The following RAB4A variants were observed in gnomAD, a reference collection of about 807,000 sequenced individuals.
The protein encoded by RAB4A is ras-related protein Rab-4A.
Under a neutral mutation model 34.5 loss-of-function variants are expected in RAB4A, and 20 were observed. That is an observed-to-expected ratio of 0.58 (90% CI 0.41 to 0.84). The LOEUF is 0.84. Among genes scored for constraint, RAB4A ranks in the 40% least tolerant of loss-of-function variants. RAB4A has a pLI of 0.00. For synonymous variants in RAB4A, 102 were observed against 100.0 expected, an observed-to-expected ratio of 1.02 and a Z score of -0.12; for missense variants, 228 against 274.5, an observed-to-expected ratio of 0.83 and a Z score of 1.20.
intron 6 of RAB4A, among the ~76,000 whole-genome samples, chr1:229,299,714 T>C (rs991981562): frequency 6.6e-6 from 1 of 152,166 alleles, no homozygotes; most frequent in African/African-American, 2.4e-5. Flanking sequence ...GAGTGCCTAT[T>C]TGTCAGATGC....
intron 1 of RAB4A, among the ~76,000 whole-genome samples, chr1:229,274,049 CTTTTTTTTT>C (rs11339660): frequency 2.3e-5 from 2 of 86,846 alleles, no homozygotes; most frequent in East Asian, 3.5e-4. Context: ...TTTTGTTTCC[CTTTTTTTTT>C]TTTTTTTTTT....
chr1:229,297,070 T>A (rs983688227), intron 4 of RAB4A, among the ~76,000 whole-genome samples: 3 of 152,192 alleles, frequency 2.0e-5, no homozygotes, highest in Non-Finnish European at 4.4e-5. Context: ...TTATAAAGAA[T>A]CAATGTGATA....
Position 229,295,857 on chromosome 1 carries a change from G to T in RAB4A, c.237G>T (p.Thr79=), listed in dbSNP as rs754208293. 1.2e-6 allele frequency: 2 copies of T among 1,613,946 alleles called. No individual in the cohort carries two copies. Among genetic ancestry groups the T allele is most frequent in the Non-Finnish European group, 1.7e-6 (2 of 1,179,998 alleles). The change falls in exon 4 of 8, where the codon ACG becomes ACT. Residue 79 remains threonine (T), a synonymous_variant. Coordinates refer to ENST00000366690, the MANE Select transcript of RAB4A (RefSeq NM_004578.4). Reference sequence around the variant, plus strand: ...AGTATAATTCTTCCAGGTCCGTGACGAGAAGTTATTACCGAGGCGCGGCCG... The same window carrying T: ...AGTATAATTCTTCCAGGTCCGTGACTAGAAGTTATTACCGAGGCGCGGCCG... ...TAGQERFRSV[T]RSYYRGAAGA...
At chr1:229,275,890 T>G (rs2102833152) in intron 1 of RAB4A, among the ~76,000 whole-genome samples, 1 of 150,766 alleles carries the variant, frequency 6.6e-6, no homozygotes, top group East Asian at 1.9e-4. Context: ...CCTCCCAGAG[T>G]GCTGGGTTTA....
chr1:229,301,669 TAA>T (rs1423198804), intron 6 of RAB4A, among the ~76,000 whole-genome samples: 5 of 152,162 alleles, frequency 3.3e-5, no homozygotes, highest in African/African-American at 1.2e-4. Flanking sequence ...GAAAAAAATA[TAA>T]GAGTATAAAT....
At chr1:229,278,962 T>C (rs1656714612) in intron 1 of RAB4A, among the ~76,000 whole-genome samples, 1 of 152,246 alleles carries the variant, frequency 6.6e-6, no homozygotes, top group Non-Finnish European at 1.5e-5. Context: ...CTCCACTGTG[T>C]TGGCTTACAG....
intron 1 of RAB4A, among the ~76,000 whole-genome samples, chr1:229,276,134 C>T (rs1656644104): frequency 6.6e-6 from 1 of 151,328 alleles, no homozygotes; most frequent in South Asian, 2.1e-4. Context: ...TTCTTTTTCT[C>T]ATTCACTGAA....
intron 3 of RAB4A, among the ~76,000 whole-genome samples, chr1:229,293,636 C>G (rs1409239444): frequency 6.6e-6 from 1 of 152,198 alleles, no homozygotes; most frequent in Non-Finnish European, 1.5e-5. Context: ...GTGAGTGAGA[C>G]AGCAGAGCCC....
intron 3 of RAB4A, among the ~76,000 whole-genome samples, chr1:229,291,849 A>C (rs963428878): frequency 3.3e-5 from 5 of 152,188 alleles, no homozygotes; most frequent in Non-Finnish European, 7.3e-5. Context: ...TTTTGTAAGA[A>C]AATGTGGCAC....
intron 1 of RAB4A, among the ~76,000 whole-genome samples, chr1:229,273,622 C>A (rs1656561502): frequency 6.6e-6 from 1 of 152,110 alleles, no homozygotes; most frequent in Admixed American, 6.5e-5. Flanking sequence ...GCTTGTAGTC[C>A]CGGCTACTTG....
chr1:229,285,208 A>G (rs1016419893), intron 1 of RAB4A, among the ~76,000 whole-genome samples: 1 of 152,032 alleles, frequency 6.6e-6, no homozygotes, highest in Admixed American at 6.6e-5. Flanking sequence ...CAGAATTTTC[A>G]TATGTTGCCC....
chr1:229,297,183 A>G (rs1657272367), intron 4 of RAB4A, among the ~76,000 whole-genome samples: 2 of 152,260 alleles, frequency 1.3e-5, no homozygotes, highest in Admixed American at 1.3e-4. Context: ...TGCGCATGCT[A>G]AGAGCTCAAT....
At chr1:229,272,835 C>T (rs969516082) in intron 1 of RAB4A, among the ~76,000 whole-genome samples, 1 of 152,196 alleles carries the variant, frequency 6.6e-6, no homozygotes, top group Non-Finnish European at 1.5e-5. Context: ...GTGACTGGTA[C>T]TGCCCTGTTC....
intron 2 of RAB4A, among the ~76,000 whole-genome samples, chr1:229,287,048 GA>G (rs1232463611): frequency 2.0e-5 from 3 of 152,160 alleles, no homozygotes; most frequent in Admixed American, 6.5e-5. Flanking sequence ...AAAGGAGGTT[GA>G]ATTTTTTATT....
Position 229,305,197 on chromosome 1 carries a change from T to A in RAB4A, c.*1404T>A. The A allele has an allele frequency of 6.2e-7, 1 of 1,606,414 alleles. No homozygotes were observed. The highest frequency in any genetic ancestry group is 8.5e-7 in the Non-Finnish European group (1 of 1,177,066). The stretch of plus-strand genomic sequence containing the variant: ...GATATTTTGAGTTTTGCTTTTTTTA[T>A]GCCTTGAATATTTTATTTCAAAAAG... On this transcript the variant is annotated 3_prime_UTR_variant, in exon 8 of 8. Coordinates refer to ENST00000366690, the MANE Select transcript of RAB4A (RefSeq NM_004578.4).
intron 3 of RAB4A, among the ~76,000 whole-genome samples, chr1:229,293,636 C>T (rs1409239444): frequency 6.6e-6 from 1 of 152,198 alleles, no homozygotes; most frequent in Non-Finnish European, 1.5e-5. Flanking sequence ...GTGAGTGAGA[C>T]AGCAGAGCCC....
intron 3 of RAB4A, among the ~76,000 whole-genome samples, chr1:229,290,559 C>G (rs909042945): frequency 6.6e-6 from 1 of 152,202 alleles, no homozygotes; most frequent in Non-Finnish European, 1.5e-5. Flanking sequence ...TAAAGAGCTT[C>G]TTTTAGACTT....
chr1:229,281,816 T>TTA (rs61184911), intron 1 of RAB4A, among the ~76,000 whole-genome samples: 4,585 of 140,202 alleles, frequency 0.033, 91 homozygotes, highest in Non-Finnish European at 0.047. Flanking sequence ...CTTATCATAG[T>TTA]TATATATATA....
At chr1:229,271,971 C>T (rs1656496672) in intron 1 of RAB4A, among the ~76,000 whole-genome samples, 1 of 152,156 alleles carries the variant, frequency 6.6e-6, no homozygotes, top group Non-Finnish European at 1.5e-5. Context: ...ATAAACATGT[C>T]TTGTCTCCTT....
Sources: gnomAD v4.1 joint callset for allele counts (sites outside exome capture counted in the v4.1 genomes callset) on GRCh38, gnomAD v4.1.1 for gene constraint, MANE v1.5 for transcripts, NCBI Gene and HGNC (gene_info 2026-07-23, HGNC 2026-07-21) for gene names.